Variants in COL5A2 observed in about 807,000 individuals in gnomAD.
The protein encoded by COL5A2 is collagen type V alpha 2 chain.
Under a neutral mutation model 208.2 loss-of-function variants are expected in COL5A2, and 23 were observed. The observed-to-expected ratio is 0.11, with a 90% CI of 0.08 to 0.16. COL5A2 has a LOEUF of 0.16. COL5A2 is among the 10% of genes least tolerant of loss of function. The pLI, the probability that COL5A2 is intolerant of heterozygous loss-of-function variation, is 1.00. For synonymous variants in COL5A2, 625 were observed against 628.5 expected, an observed-to-expected ratio of 0.99 and a Z score of 0.08; for missense variants, 1,590 against 1,956.4, an observed-to-expected ratio of 0.81 and a Z score of 3.53.
At chr2:189,382,374 T>C in the COL5A2 span, among the ~76,000 whole-genome samples, 1 of 151,906 alleles carries the variant, frequency 6.6e-6, no homozygotes, top group African/African-American at 2.4e-5. Context: ...TAAAATAAAA[T>C]AAAAATTAAT....
chr2:189,318,543 T>C, the COL5A2 span, among the ~76,000 whole-genome samples: 2 of 152,204 alleles, frequency 1.3e-5, no homozygotes, highest in Admixed American at 6.5e-5. Context: ...CCCTTTCAAC[T>C]GGACTCCACA....
chr2:189,219,111 A>G (rs1047306686), intron 1 of COL5A2, among the ~76,000 whole-genome samples: 4 of 152,226 alleles, frequency 2.6e-5, no homozygotes. Context: ...CTAGTGTTCC[A>G]ATAACAAAGC....
chr2:189,042,595 G>T, intron 49 of COL5A2, 125 bp downstream of exon 49: 1 of 850,940 alleles, frequency 1.2e-6, no homozygotes, highest in Non-Finnish European at 2.0e-6. Flanking sequence ...TATGTGTGTT[G>T]CCAACCTCAG....
At chr2:189,275,268 C>A in the COL5A2 span, among the ~76,000 whole-genome samples, 4 of 151,922 alleles carry the variant, frequency 2.6e-5, no homozygotes, top group East Asian at 7.7e-4. Context: ...TAAATGTTAG[C>A]AAAGTATTTT....
At chr2:189,413,748 A>T in the COL5A2 span, among the ~76,000 whole-genome samples, 1 of 151,568 alleles carries the variant, frequency 6.6e-6, no homozygotes, top group East Asian at 1.9e-4. Flanking sequence ...TGATTGATGA[A>T]AGATTCACAA....
intron 1 of COL5A2, among the ~76,000 whole-genome samples, chr2:189,155,619 T>A (rs1340124031): frequency 2.6e-5 from 4 of 152,212 alleles, no homozygotes; most frequent in African/African-American, 9.6e-5. Flanking sequence ...TGTTTCAGAA[T>A]CCTATCCTGT....
At chr2:189,142,011 A>G (rs552488672) in intron 1 of COL5A2, among the ~76,000 whole-genome samples, 1 of 152,276 alleles carries the variant, frequency 6.6e-6, no homozygotes, top group East Asian at 1.9e-4. Flanking sequence ...GTGAGAGATA[A>G]TATAAATCTG....
chr2:189,265,990 C>G, the COL5A2 span, among the ~76,000 whole-genome samples: 1 of 152,074 alleles, frequency 6.6e-6, no homozygotes. Flanking sequence ...CATACGTTTA[C>G]ACAAAAGCTT....
At chr2:189,238,725 A>T in the COL5A2 span, among the ~76,000 whole-genome samples, 1 of 152,114 alleles carries the variant, frequency 6.6e-6, no homozygotes, top group African/African-American at 2.4e-5. Flanking sequence ...GCAAAGGGGA[A>T]AGAGCCCCTT....
At chr2:189,164,979 C>A (rs896246291) in intron 1 of COL5A2, among the ~76,000 whole-genome samples, 2 of 152,322 alleles carry the variant, frequency 1.3e-5, no homozygotes, top group African/African-American at 4.8e-5. Flanking sequence ...TGCCATCCCT[C>A]ACAAAAATAC....
chr2:189,416,241 G>T, the COL5A2 span, among the ~76,000 whole-genome samples: 2 of 152,156 alleles, frequency 1.3e-5, no homozygotes, highest in East Asian at 3.9e-4. Context: ...AAGTCATGCT[G>T]CTATACAGAC....
the COL5A2 span, among the ~76,000 whole-genome samples, chr2:189,358,662 A>G: frequency 0.036 from 5,542 of 152,262 alleles, 117 homozygotes; most frequent in Admixed American, 0.05. Context: ...ATTGCTTTGG[A>G]TAGTGTGAAC....
At chr2:189,121,437 G>A (rs1687497567) in intron 1 of COL5A2, among the ~76,000 whole-genome samples, 1 of 151,956 alleles carries the variant, frequency 6.6e-6, no homozygotes, top group Admixed American at 6.6e-5. Context: ...TCCTTTGACT[G>A]AGGGTAAAAC....
chr2:189,231,175 T>C, the COL5A2 span, among the ~76,000 whole-genome samples: 1 of 149,652 alleles, frequency 6.7e-6, no homozygotes, highest in South Asian at 2.1e-4. Context: ...GCTAGGAGGA[T>C]GGGAAAATGA....
the COL5A2 span, among the ~76,000 whole-genome samples, chr2:189,429,971 G>C: frequency 2.0e-5 from 3 of 152,162 alleles, no homozygotes; most frequent in Non-Finnish European, 4.4e-5. Context: ...TGGTATAAAA[G>C]GAAAAGGCTT....
In COL5A2 at chr2:189,124,661, T is replaced by C. The variant is rs113726443; in HGVS notation, c.98-14212A>G. ...CTTCTGCTTTTTAAATTACATTACA[T>C]TCATGTTTTCATTTTCTTTCATTTT... On this transcript the variant is annotated intron_variant, in intron 1 of 53. Transcript: ENST00000374866. 2.2e-4 allele frequency among the ~76,000 whole-genome samples: 34 copies of C among 152,154 alleles called. 1 individual carries two copies. Among genetic ancestry groups the C allele is most frequent in the African/African-American group, 7.9e-4 (33 of 41,548 alleles).
At chr2:189,087,524 C>T (rs574353715) in intron 8 of COL5A2, among the ~76,000 whole-genome samples, 81 of 151,730 alleles carry the variant, frequency 5.3e-4, no homozygotes, top group South Asian at 2.7e-3. Context: ...AGTGCAGTGG[C>T]GCGACCTGGG....
intron 1 of COL5A2, among the ~76,000 whole-genome samples, chr2:189,219,368 C>G (rs1445382678): frequency 6.6e-6 from 1 of 152,094 alleles, no homozygotes; most frequent in Admixed American, 6.6e-5. Flanking sequence ...CAGGTTTTTA[C>G]GTTCAAACTT....
chr2:189,071,125 G>A (rs1293452445), intron 18 of COL5A2, among the ~76,000 whole-genome samples: 2 of 152,130 alleles, frequency 1.3e-5, no homozygotes, highest in African/African-American at 4.8e-5. Context: ...CATTGAGGGT[G>A]TCCTCTGCAT....
Sources: gnomAD v4.1 joint callset for allele counts (sites outside exome capture counted in the v4.1 genomes callset) on GRCh38, gnomAD v4.1.1 for gene constraint, MANE v1.5 for transcripts, NCBI Gene and HGNC (gene_info 2026-07-23, HGNC 2026-07-21) for gene names.